Variants in AGAP1 observed in about 807,000 individuals in gnomAD.
AGAP1 encodes the protein arf-GAP with GTPase, ANK repeat and PH domain-containing protein 1.
In AGAP1, 29 loss-of-function variants were observed where a neutral mutation model predicts 105.3. That is an observed-to-expected ratio of 0.28 (90% CI 0.21 to 0.38). The LOEUF (loss-of-function observed/expected upper bound fraction) is 0.38, where lower values mean the gene tolerates loss of function less well. AGAP1 is among the 10% of genes least tolerant of loss of function. AGAP1 has a pLI of 1.00. For missense variants in AGAP1, 998 were observed against 1,165.1 expected (o/e 0.86, Z 2.09); for synonymous variants, 509 against 485.9 (o/e 1.05, Z -0.63).
chr2:235,630,865 T>C (rs997754814), intron 1 of AGAP1, among the ~76,000 whole-genome samples: 5 of 152,132 alleles, frequency 3.3e-5, no homozygotes, highest in African/African-American at 1.2e-4. Context: ...TGAACTGAGG[T>C]CTGTGTGCTG....
At chr2:235,779,543 T>C (rs865827993) in intron 6 of AGAP1, among the ~76,000 whole-genome samples, 2 of 152,132 alleles carry the variant, frequency 1.3e-5, no homozygotes, top group African/African-American at 4.8e-5. Context: ...GCTCTCCGGG[T>C]TCTGCCCTTC....
rs2059969293 is a variant in AGAP1, at chr2:236,124,282, A to C, written c.*160A>C. 6.4e-6 allele frequency: 5 copies of C among 781,516 alleles called. No individual in the cohort carries two copies. The highest frequency in any genetic ancestry group is 7.8e-6 in the Non-Finnish European group (4 of 513,732). The allele number at this position is 781,516 out of a possible 1,614,324, so 48.4% of individuals were successfully genotyped here. A position where few individuals can be genotyped will look rare whatever the true frequency, so the allele number is the denominator to read the frequency against. On this transcript the variant is annotated 3_prime_UTR_variant, in exon 18 of 18. Coordinates refer to ENST00000304032, the MANE Select transcript of AGAP1 (RefSeq NM_001037131.3). The surrounding 1 kb of genome is among the most constrained non-coding windows in gnomAD (Gnocchi z 5.1). ...ACTCTCACCCCAAACAAAATCACAA[A>C]ACCTGGACATCCCTCAAGGGGCGAA...
In AGAP1 at chr2:236,095,268, G is replaced by A. The variant is rs1460593515; in HGVS notation, c.2115-24924G>A. 6.6e-6 allele frequency among the ~76,000 whole-genome samples: 1 copy of A among 150,454 alleles called. No individual in the cohort carries two copies. The highest frequency in any genetic ancestry group is 1.5e-5 in the Non-Finnish European group (1 of 67,646). ...AAAAATTAGCCAGGCGTGGTTGCAT[G>A]CACCTGTGGTCCCAGCTACTCGGGA... On this transcript the variant is annotated intron_variant, in intron 16 of 17. Coordinates refer to ENST00000304032, the MANE Select transcript of AGAP1 (RefSeq NM_001037131.3). This position sits in a 1 kb window ranked among gnomAD's most constrained non-coding sequence, Gnocchi z 4.1.
intron 9 of AGAP1, among the ~76,000 whole-genome samples, chr2:235,817,496 G>C (rs1040339869): frequency 6.6e-6 from 1 of 151,974 alleles, no homozygotes; most frequent in Non-Finnish European, 1.5e-5. Flanking sequence ...CTCACTGAAG[G>C]CCATGTTTTG....
chr2:235,634,203 G>A (rs1458366201), intron 1 of AGAP1, among the ~76,000 whole-genome samples: 2 of 152,310 alleles, frequency 1.3e-5, no homozygotes, highest in East Asian at 3.9e-4. Context: ...GATAAATTAT[G>A]GCATATATTC....
At chr2:235,813,613 C>T (rs563968268) in intron 9 of AGAP1, among the ~76,000 whole-genome samples, 1 of 152,230 alleles carries the variant, frequency 6.6e-6, no homozygotes, top group Admixed American at 6.5e-5. Flanking sequence ...GGGCTCCGAT[C>T]CCACAGCATG....
rs1326694457 is a variant in AGAP1, at chr2:235,717,536, G to A, written c.223-21G>A. 9 of 1,580,108 alleles carry A rather than the reference G, an allele frequency of 5.7e-6. No individual in the cohort carries two copies. The Admixed American group carries it at 6.0e-5, about 11-fold the overall frequency. ...ATAGAGTGATTTGATGATGCTTAACGGTTGTCCGTTTCTGTTTCAGGGAAT... is the reference window on the plus strand; with the variant it reads ...ATAGAGTGATTTGATGATGCTTAACAGTTGTCCGTTTCTGTTTCAGGGAAT... On this transcript the variant is annotated intron_variant, in intron 2 of 17. Coordinates refer to ENST00000304032, the MANE Select transcript of AGAP1 (RefSeq NM_001037131.3).
Position 235,747,737 on chromosome 2 carries a change from G to C in AGAP1, c.539-2617G>C, listed in dbSNP as rs1364206811. 6.6e-6 allele frequency among the ~76,000 whole-genome samples: 1 copy of C among 152,220 alleles called. No homozygotes were observed. The highest frequency in any genetic ancestry group is 6.5e-5 in the Admixed American group (1 of 15,288). On this transcript the variant is annotated intron_variant, in intron 5 of 17. Coordinates refer to ENST00000304032, the MANE Select transcript of AGAP1 (RefSeq NM_001037131.3). The surrounding 1 kb of genome is among the most constrained non-coding windows in gnomAD (Gnocchi z 5.0). ...TTGCTCTCCGTGAAGCCCGTGCTCG[G>C]CTGCTCTTTCAGGGGTTTGGCTTCC...
At position 236,092,975 on chromosome 2, in the gene AGAP1, C is replaced by T. The variant is rs141301295; in HGVS notation, c.2115-27217C>T. 1.1e-3 allele frequency among the ~76,000 whole-genome samples: 160 copies of T among 152,338 alleles called. No homozygotes were observed. The highest frequency in any genetic ancestry group is 3.8e-3 in the African/African-American group (160 of 41,582). On this transcript the variant is annotated intron_variant, in intron 16 of 17. Transcript: ENST00000304032. This position sits in a 1 kb window ranked among gnomAD's most constrained non-coding sequence, Gnocchi z 4.7. ...CTGGCCAAATCTGGAACAATTGAAG[C>T]ATCTAAAAGAATAGTGTTGGTGGCA...
rs536058347 is a variant in AGAP1, at chr2:235,619,811, T to C, written c.164-89368T>C. 2.6e-5 allele frequency among the ~76,000 whole-genome samples: 4 copies of C among 152,334 alleles called. No individual in the cohort carries two copies. In the South Asian group the frequency reaches 8.3e-4, roughly 32 times the overall value. On this transcript the variant is annotated intron_variant, in intron 1 of 17. Coordinates refer to ENST00000304032, the MANE Select transcript of AGAP1 (RefSeq NM_001037131.3). Reference sequence around the variant, plus strand: ...CAGCTCAAGTGTCTACCTCCTCTGATAGCACAGGTGTCTGGGCAATTCTGC... The same window carrying C: ...CAGCTCAAGTGTCTACCTCCTCTGACAGCACAGGTGTCTGGGCAATTCTGC...
rs144583774 is a variant in AGAP1, at chr2:235,906,835, C to T, written c.1156-1903C>T. Among the ~76,000 whole-genome samples the T allele has an allele frequency of 3.1e-3, 465 of 152,276 alleles. 4 individuals carry two copies. Among genetic ancestry groups the T allele is most frequent in the Non-Finnish European group, 1.9e-3 (130 of 68,028 alleles). On this transcript the variant is annotated intron_variant, in intron 10 of 17. Transcript: ENST00000304032. The surrounding 1 kb of genome is among the most constrained non-coding windows in gnomAD (Gnocchi z 5.3). The stretch of plus-strand genomic sequence containing the variant: ...GCAAACATCTACTTGTTGATAAACC[C>T]GTGACTCCTTCACAAGTGTGGGTGT...
At chr2:235,547,516 G>A (rs1373655581) in intron 1 of AGAP1, among the ~76,000 whole-genome samples, 7 of 151,998 alleles carry the variant, frequency 4.6e-5, no homozygotes, top group East Asian at 1.9e-4. Context: ...GCACCACCAC[G>A]CCTGGCTAAT....
intron 9 of AGAP1, among the ~76,000 whole-genome samples, chr2:235,819,978 ACCGCAACCTC>A (rs1480265971): frequency 7.1e-6 from 1 of 140,394 alleles, no homozygotes; most frequent in Non-Finnish European, 1.5e-5. Context: ...ATCTCAGCTC[ACCGCAACCTC>A]CGCCTCCCAG....
At position 235,976,833 on chromosome 2, in the gene AGAP1, A is replaced by C. The variant is rs576342563; in HGVS notation, c.1645+8210A>C. Among the ~76,000 whole-genome samples, 1 of 152,334 alleles carries C rather than the reference A, an allele frequency of 6.6e-6. No homozygotes were observed. The highest frequency in any genetic ancestry group is 2.1e-4 in the South Asian group (1 of 4,822). On this transcript the variant is annotated intron_variant, in intron 13 of 17. Transcript: ENST00000304032. The surrounding 1 kb of genome is among the most constrained non-coding windows in gnomAD (Gnocchi z 4.5). Reference sequence around the variant, plus strand: ...TTGTATAGACAACGAAATATCTGCTATTCCAAGGAGGAAAAAAGGAAAAAA... The same window carrying C: ...TTGTATAGACAACGAAATATCTGCTCTTCCAAGGAGGAAAAAAGGAAAAAA...
At chr2:235,497,350 C>G (rs1208390073) in intron 1 of AGAP1, among the ~76,000 whole-genome samples, 2 of 152,316 alleles carry the variant, frequency 1.3e-5, no homozygotes, top group South Asian at 2.1e-4. Flanking sequence ...GCAGAGGGCT[C>G]CCTGCAGGGG....
intron 12 of AGAP1, among the ~76,000 whole-genome samples, chr2:235,949,168 C>T (rs1196859136): frequency 6.6e-6 from 1 of 152,140 alleles, no homozygotes; most frequent in Non-Finnish European, 1.5e-5. Flanking sequence ...TACAGGAAGG[C>T]CCCTTCTTTC....
rs1406930440 is a variant in AGAP1 at position 235,531,671 on chromosome 2, G to A, written c.163+36822G>A. ...CACCCAGGCTGGAGTGCAGTGGCGC[G>A]ATCTCGGCTCAATGCAACCTCCGCC... is the stretch of plus-strand genomic sequence containing the variant. On this transcript the variant is annotated intron_variant, in intron 1 of 17. Coordinates refer to ENST00000304032, the MANE Select transcript of AGAP1 (RefSeq NM_001037131.3). 6.0e-5 allele frequency among the ~76,000 whole-genome samples: 9 copies of A among 150,454 alleles called. No individual in the cohort carries two copies. The East Asian group carries it at 7.8e-4, about 13-fold the overall frequency.
chr2:235,854,155 C>T (rs2048589127), intron 9 of AGAP1, among the ~76,000 whole-genome samples: 1 of 152,258 alleles, frequency 6.6e-6, no homozygotes, highest in Non-Finnish European at 1.5e-5. Flanking sequence ...TCAGCCTCCC[C>T]TTGTCTTCCC....
intron 13 of AGAP1, among the ~76,000 whole-genome samples, chr2:236,028,665 CTT>C (rs893337874): frequency 6.6e-6 from 1 of 152,110 alleles, no homozygotes; most frequent in African/African-American, 2.4e-5. Flanking sequence ...ATGTGAATGT[CTT>C]TATCTTCCTT....
Sources: gnomAD v4.1 joint callset for allele counts (sites outside exome capture counted in the v4.1 genomes callset) on GRCh38, gnomAD v4.1.1 for gene constraint, Gnocchi (gnomAD v3.1) non-coding constraint, MANE v1.5 for transcripts, NCBI Gene and HGNC (gene_info 2026-07-23, HGNC 2026-07-21) for gene names.